The following TBC1D22A variants were observed in gnomAD, a reference collection of about 807,000 sequenced individuals.
The protein encoded by TBC1D22A is TBC1 domain family member 22A.
Under a neutral mutation model 60.2 loss-of-function variants are expected in TBC1D22A, and 38 were observed. The observed-to-expected ratio is 0.63, with a 90% confidence interval of 0.49 to 0.83. TBC1D22A has a LOEUF of 0.83. Among genes scored for constraint, TBC1D22A ranks in the 40% least tolerant of loss-of-function variants. The pLI, the probability that TBC1D22A is intolerant of heterozygous loss-of-function variation, is 0.00. For missense variants in TBC1D22A, 628 were observed against 701.0 expected (o/e 0.90, Z 1.18); for synonymous variants, 302 against 281.7 (o/e 1.07, Z -0.72).
At chr22:47,020,083 C>T (rs557226469) in intron 10 of TBC1D22A, among the ~76,000 whole-genome samples, 1 of 152,282 alleles carries the variant, frequency 6.6e-6, no homozygotes, top group African/African-American at 2.4e-5. Context: ...ATCCATCCAT[C>T]CATTCATGGA....
chr22:47,102,969 A>G (rs1249699462), intron 11 of TBC1D22A, among the ~76,000 whole-genome samples: 6 of 152,176 alleles, frequency 3.9e-5, no homozygotes, highest in Non-Finnish European at 1.5e-5. Flanking sequence ...AGGGCCTCAC[A>G]TACCTGAAGG....
At chr22:46,884,999 G>A (rs1569173021) in intron 5 of TBC1D22A, among the ~76,000 whole-genome samples, 1 of 152,334 alleles carries the variant, frequency 6.6e-6, no homozygotes, top group South Asian at 2.1e-4. Flanking sequence ...GAAGCAATTG[G>A]AAGTGTTTTC....
intron 1 of TBC1D22A, among the ~76,000 whole-genome samples, chr22:46,783,258 C>A (rs981390291): frequency 1.3e-5 from 2 of 152,168 alleles, no homozygotes; most frequent in Admixed American, 1.3e-4. Context: ...AATGGGCAGA[C>A]TTAGAGTTAT....
At chr22:46,956,691 C>T (rs1053348375) in intron 8 of TBC1D22A, among the ~76,000 whole-genome samples, 7 of 152,084 alleles carry the variant, frequency 4.6e-5, no homozygotes, top group East Asian at 1.9e-4. Flanking sequence ...TGTGGTCCGC[C>T]GTCTGTGGGG....
chr22:46,766,855 C>T (rs1253020362), intron 1 of TBC1D22A, among the ~76,000 whole-genome samples: 1 of 152,150 alleles, frequency 6.6e-6, no homozygotes, highest in Admixed American at 6.5e-5. Context: ...TGTTTTTATG[C>T]AGCCTGAACT....
chr22:46,905,174 T>C (rs2069372105), intron 7 of TBC1D22A, among the ~76,000 whole-genome samples: 1 of 152,218 alleles, frequency 6.6e-6, no homozygotes, highest in African/African-American at 2.4e-5. Flanking sequence ...GTTTTTAAAA[T>C]GATACTAAAT....
intron 12 of TBC1D22A, among the ~76,000 whole-genome samples, chr22:47,154,404 A>C (rs1037425074): frequency 6.6e-6 from 1 of 152,110 alleles, no homozygotes. Flanking sequence ...TTTACTTGTC[A>C]CGCGCGGGAC....
chr22:46,873,681 T>G (rs2067398628), intron 4 of TBC1D22A, among the ~76,000 whole-genome samples: 1 of 152,100 alleles, frequency 6.6e-6, no homozygotes. Context: ...TCCTCTGCCC[T>G]CCAGTAGGCC....
intron 11 of TBC1D22A, among the ~76,000 whole-genome samples, chr22:47,058,768 G>A (rs86559): frequency 0.26 from 40,214 of 151,824 alleles, 5,974 homozygotes; most frequent in East Asian, 0.57. Flanking sequence ...AGGTCCCAGC[G>A]CTCAGAACAG....
At chr22:46,835,619 C>A (rs1245397485) in intron 4 of TBC1D22A, among the ~76,000 whole-genome samples, 1 of 152,082 alleles carries the variant, frequency 6.6e-6, no homozygotes, top group Admixed American at 6.6e-5. Flanking sequence ...GCCATATACG[C>A]ATTATGTGAA....
At chr22:46,769,681 A>G (rs1162037595) in intron 1 of TBC1D22A, among the ~76,000 whole-genome samples, 1 of 152,122 alleles carries the variant, frequency 6.6e-6, no homozygotes, top group African/African-American at 2.4e-5. Flanking sequence ...GCTGCTTCCA[A>G]GGCCATGGTG....
intron 4 of TBC1D22A, among the ~76,000 whole-genome samples, chr22:46,869,565 C>A (rs139640106): frequency 6.6e-6 from 1 of 152,312 alleles, no homozygotes; most frequent in Non-Finnish European, 1.5e-5. Flanking sequence ...GCATGCTCAG[C>A]AAGTGCTGGC....
intron 8 of TBC1D22A, among the ~76,000 whole-genome samples, chr22:46,926,419 T>A (rs1261881386): frequency 6.6e-6 from 1 of 152,166 alleles, no homozygotes. Context: ...AAAGTAATAC[T>A]ATGAACGACT....
intron 10 of TBC1D22A, among the ~76,000 whole-genome samples, chr22:47,008,583 C>T (rs939844378): frequency 1.5e-4 from 23 of 152,350 alleles, no homozygotes; most frequent in African/African-American, 5.3e-4. Flanking sequence ...CTGTGCAGAG[C>T]ATCCTAACCC....
intron 11 of TBC1D22A, among the ~76,000 whole-genome samples, chr22:47,065,281 C>T (rs1211680633): frequency 1.3e-5 from 2 of 152,242 alleles, no homozygotes; most frequent in Non-Finnish European, 2.9e-5. Flanking sequence ...AAGCGTGAGC[C>T]ACCATGCCCG....
At chr22:46,966,400 G>A (rs1246447106) in intron 8 of TBC1D22A, among the ~76,000 whole-genome samples, 1 of 152,152 alleles carries the variant, frequency 6.6e-6, no homozygotes, top group South Asian at 2.1e-4. Context: ...ACATGGGCAC[G>A]GCCTCTCTTC....
At chr22:47,039,244 A>T (rs534203520) in intron 11 of TBC1D22A, among the ~76,000 whole-genome samples, 5 of 152,366 alleles carry the variant, frequency 3.3e-5, no homozygotes, top group African/African-American at 1.2e-4. Context: ...CATTTGTACC[A>T]GGGACTCATT....
chr22:47,125,324 A>G (rs554289200), intron 12 of TBC1D22A, among the ~76,000 whole-genome samples: 1 of 152,304 alleles, frequency 6.6e-6, no homozygotes, highest in South Asian at 2.1e-4. Context: ...CTTTCTCAGA[A>G]GCCGGCACAG....
intron 9 of TBC1D22A, among the ~76,000 whole-genome samples, chr22:46,995,078 A>G (rs2075073992): frequency 6.6e-6 from 1 of 152,158 alleles, no homozygotes. Flanking sequence ...CCTGCCCATT[A>G]AACACCGTAT....
Sources: allele counts gnomAD v4.1 joint callset (sites outside exome capture counted in the v4.1 genomes callset), GRCh38; gene constraint gnomAD v4.1.1; transcripts MANE v1.5; gene names NCBI Gene and HGNC (gene_info 2026-07-23, HGNC 2026-07-21).